Variants in PCK1 observed in about 807,000 individuals in gnomAD.
PCK1 encodes the protein phosphoenolpyruvate carboxykinase 1, also known as phosphoenolpyruvate carboxykinase, cytosolic [GTP].
Under a neutral mutation model 50.3 loss-of-function variants are expected in PCK1, and 44 were observed. The observed-to-expected ratio is 0.87, with a 90% CI of 0.69 to 1.12. PCK1 has a LOEUF of 1.12. Among genes scored for constraint, PCK1 ranks in the 50% most tolerant of loss-of-function variants. The pLI is 0.00. For synonymous variants in PCK1, 332 were observed against 314.3 expected (o/e 1.06, Z -0.59); for missense variants, 790 against 815.0 (o/e 0.97, Z 0.37).
intron 3 of PCK1, 30 bp from the exon 4 acceptor site, chr20:57,562,666 T>C (rs1172904649): frequency 1.3e-6 from 2 of 1,591,934 alleles, no homozygotes; most frequent in African/African-American, 2.7e-5. Context: ...AGGTCATTTC[T>C]CACCAGTGCC....
intron 8 of PCK1, 82 bp from the exon 9 acceptor site, chr20:57,564,958 G>T: frequency 2.0e-6 from 2 of 1,001,960 alleles, no homozygotes; most frequent in Non-Finnish European, 3.1e-6. Flanking sequence ...GTGTCTTTCC[G>T]TGTTGTGAAT....
Position 57,565,622 on chromosome 20 carries a change from G to A in PCK1, c.1687G>A (p.Ala563Thr), listed in dbSNP as rs1221541161. 2 of 1,614,076 alleles carry A rather than the reference G, an allele frequency of 1.2e-6. No individual in the cohort carries two copies. Among genetic ancestry groups the A allele is most frequent in the Non-Finnish European group, 1.7e-6 (2 of 1,180,040 alleles). The change falls in exon 10 of 10, where the codon GCC (alanine) becomes ACC (threonine). Residue 563 changes from alanine (A) to threonine (T), a missense_variant. Ala to Thr is a moderately conservative substitution (Grantham distance 58). Coordinates refer to ENST00000319441, the MANE Select transcript of PCK1 (RefSeq NM_002591.4). ...TPIGYIPKEDALNLKGLGHIN... is the reference protein window; with the variant it reads ...TPIGYIPKEDTLNLKGLGHIN... Reference sequence around the variant, plus strand: ...CATAGGCTACATCCCCAAGGAGGATGCCCTGAACCTGAAAGGCCTGGGGCA... The same window carrying A: ...CATAGGCTACATCCCCAAGGAGGATACCCTGAACCTGAAAGGCCTGGGGCA...
chr20:57,564,405 C>T lies in PCK1; in HGVS notation c.1186+12C>T. The T allele has an allele frequency of 1.2e-6, 2 of 1,613,586 alleles. No individual in the cohort carries two copies. The highest frequency in any genetic ancestry group is 1.7e-6 in the Non-Finnish European group (2 of 1,179,488). On this transcript the variant is annotated intron_variant, in intron 7 of 9. Transcript: ENST00000319441. ...GAGCTCAGAGGATGGTGTGTCCCTG[C>T]CAGAGGCCTTGGTGTGCCGGGCTGC...
chr20:57,563,497 C>T (rs2070172217), intron 5 of PCK1, 68 bp from the exon 6 acceptor site: 9 of 1,133,796 alleles, frequency 7.9e-6, no homozygotes, highest in Non-Finnish European at 1.2e-5. Flanking sequence ...ATTCCAACCT[C>T]TGGGCTGAAG....
Position 57,565,379 on chromosome 20 carries a change from A to G in PCK1, c.1444A>G (p.Met482Val). ...AATCATCATGCATGACCCCTTTGCCATGCGGCCCTTCTTTGGCTACAACTT... is the reference window on the plus strand; with the variant it reads ...AATCATCATGCATGACCCCTTTGCCGTGCGGCCCTTCTTTGGCTACAACTT... ...GKIIMHDPFA[M>V]RPFFGYNFGK... The change falls in exon 10 of 10, where the codon ATG becomes GTG. Residue 482 changes from methionine to valine, a missense_variant. By Grantham distance (21) the Met-to-Val change is conservative. Coordinates refer to ENST00000319441, the MANE Select transcript of PCK1 (RefSeq NM_002591.4). 1 of 1,614,264 alleles carries G rather than the reference A, an allele frequency of 6.2e-7. No individual in the cohort carries two copies. Among genetic ancestry groups the G allele is most frequent in the Non-Finnish European group, 8.5e-7 (1 of 1,180,040 alleles).
chr20:57,565,801 G>A lies in PCK1; in HGVS notation c.1866G>A (p.Met622Ile), dbSNP rs1475283790. Residue 622 changes from methionine to isoleucine, a missense_variant, in exon 10 of 10, where the codon ATG becomes ATA. Met to Ile is a conservative substitution (Grantham distance 10). Transcript: ENST00000319441. ...CCTTGAAGCAAAGAATAAGCCAGATGTAATCAGGGCCTGAGTGCTTTACCT... is the reference window on the plus strand; with the variant it reads ...CCTTGAAGCAAAGAATAAGCCAGATATAATCAGGGCCTGAGTGCTTTACCT... Reference protein sequence around the residue: ...ILALKQRISQM With the variant: ...ILALKQRISQI The A allele has an allele frequency of 1.2e-6, 2 of 1,603,382 alleles. No homozygotes were observed. Among genetic ancestry groups the A allele is most frequent in the Non-Finnish European group, 1.7e-6 (2 of 1,174,234 alleles).
At position 57,566,037 on chromosome 20, in the gene PCK1, A is replaced by G. The variant is rs2070201683; in HGVS notation, c.*233A>G. On this transcript the variant is annotated 3_prime_UTR_variant, in exon 10 of 10. Transcript: ENST00000319441. ...TCTTAGCATGCCTCCAAAAATTCAC[A>G]TCCAATGCATAGTTTGTTCAAATTT... 2.0e-6 allele frequency: 1 copy of G among 489,732 alleles called. No individual in the cohort carries two copies. The highest frequency in any genetic ancestry group is 3.6e-6 in the Non-Finnish European group (1 of 278,024). 30.3% of individuals were successfully genotyped at this position (489,732 alleles called of 1,614,324 possible).
chr20:57,566,603 C>G lies in PCK1; in HGVS notation c.*799C>G, dbSNP rs1245905095. Reference sequence around the variant, plus strand: ...TTGAAGAGGGGGTGCATTGCCTGGTCCCAGGGAGAAGGAGGGAGCAGATGG... The same window carrying G: ...TTGAAGAGGGGGTGCATTGCCTGGTGCCAGGGAGAAGGAGGGAGCAGATGG... On this transcript the variant is annotated 3_prime_UTR_variant, in exon 10 of 10. Coordinates refer to ENST00000319441, the MANE Select transcript of PCK1 (RefSeq NM_002591.4). 1 of 152,100 alleles carries G rather than the reference C, an allele frequency of 6.6e-6. No individual in the cohort carries two copies. The highest frequency in any genetic ancestry group is 6.5e-5 in the Admixed American group (1 of 15,268). 9.4% of individuals were successfully genotyped at this position (152,100 alleles called of 1,614,324 possible). A position where few individuals can be genotyped will look rare whatever the true frequency, so the allele number is the denominator to read the frequency against.
rs748319385 is a variant in PCK1 at position 57,565,422 on chromosome 20, A to G, written c.1487A>G (p.His496Arg). Residue 496 changes from histidine (H) to arginine (R), a missense_variant, in exon 10 of 10, where the codon CAC becomes CGC. Transcript: ENST00000319441. ...FGYNFGKYLA[H>R]WLSMAQHPAA... ...TACAACTTCGGCAAATACCTGGCCC[A>G]CTGGCTTAGCATGGCCCAGCACCCA... The G allele has an allele frequency of 2.0e-5, 33 of 1,614,082 alleles. No homozygotes were observed. Among genetic ancestry groups the G allele is most frequent in the Non-Finnish European group, 2.7e-5 (32 of 1,180,036 alleles).
chr20:57,565,509 T>C lies in PCK1; in HGVS notation c.1574T>C (p.Phe525Ser), dbSNP rs950208003. ...TTCCGGAAGGACAAGGAAGGCAAAT[T>C]CCTCTGGCCAGGCTTTGGAGAGAAC... ...NWFRKDKEGK[F>S]LWPGFGENSR... Residue 525 changes from phenylalanine (F) to serine (S), a missense_variant, in exon 10 of 10, where the codon TTC becomes TCC. Phe to Ser is a radical substitution (Grantham distance 155). Coordinates refer to ENST00000319441, the MANE Select transcript of PCK1 (RefSeq NM_002591.4). 52 of 1,614,044 alleles carry C rather than the reference T, an allele frequency of 3.2e-5. No homozygotes were observed. Among genetic ancestry groups the C allele is most frequent in the Non-Finnish European group, 4.3e-5 (51 of 1,180,026 alleles).
At position 57,565,776 on chromosome 20, in the gene PCK1, C is replaced by T; in HGVS notation, c.1841C>T (p.Ala614Val). 14 of 1,611,700 alleles carry T rather than the reference C, an allele frequency of 8.7e-6. No homozygotes were observed. Among genetic ancestry groups the T allele is most frequent in the Non-Finnish European group, 1.2e-5 (14 of 1,179,004 alleles). ...TGTGAAATCGAGAGAGAGATCCTTGCCTTGAAGCAAAGAATAAGCCAGATG... is the reference window on the plus strand; with the variant it reads ...TGTGAAATCGAGAGAGAGATCCTTGTCTTGAAGCAAAGAATAAGCCAGATG... ...LPCEIEREIL[A>V]LKQRISQM The change falls in exon 10 of 10, where the codon GCC becomes GTC. Residue 614 changes from alanine (A) to valine (V), a missense_variant. Coordinates refer to ENST00000319441, the MANE Select transcript of PCK1 (RefSeq NM_002591.4).
At chr20:57,561,997 G>T in intron 2 of PCK1, 74 bp from the exon 3 acceptor site, 1 of 1,292,646 alleles carries the variant, frequency 7.7e-7, no homozygotes. Context: ...GCTAGGCATG[G>T]AAAGCCACGG....
At chr20:57,563,501 G>T in intron 5 of PCK1, 64 bp from the exon 6 acceptor site, 1 of 1,182,894 alleles carries the variant, frequency 8.5e-7, no homozygotes. Context: ...CAACCTCTGG[G>T]CTGAAGTACC....
chr20:57,564,896 AT>A (rs2070188332), intron 8 of PCK1, 143 bp from the exon 9 acceptor site: 1 of 702,210 alleles, frequency 1.4e-6, no homozygotes, highest in Middle Eastern at 3.9e-4. Flanking sequence ...GTTTTCTGCA[AT>A]TTAGCTTGGT....
In PCK1 at chr20:57,562,161, C is replaced by A. The variant is rs1160797377; in HGVS notation, c.315C>A (p.Ile105=). ...VTQEQRDTVP[I]PKTGLSQLGR... Reference sequence around the variant, plus strand: ...AAGAGCAAAGAGACACAGTGCCCATCCCCAAAACAGGCCTCAGCCAGCTCG... The same window carrying A: ...AAGAGCAAAGAGACACAGTGCCCATACCCAAAACAGGCCTCAGCCAGCTCG... The change falls in exon 3 of 10, where the codon ATC becomes ATA. Residue 105 remains isoleucine (I), a synonymous_variant. Transcript: ENST00000319441. 6.2e-7 allele frequency: 1 copy of A among 1,614,066 alleles called. No individual in the cohort carries two copies. Among genetic ancestry groups the A allele is most frequent in the Admixed American group, 1.7e-5 (1 of 60,028 alleles).
At position 57,561,650 on chromosome 20, in the gene PCK1, C is replaced by T. The variant is rs374575695; in HGVS notation, c.224+15C>T. 17 of 1,563,854 alleles carry T rather than the reference C, an allele frequency of 1.1e-5. No individual in the cohort carries two copies. The highest frequency in any genetic ancestry group is 6.7e-5 in the African/African-American group (5 of 74,132). The stretch of plus-strand genomic sequence containing the variant: ...TATGACAACTGGTAAGCTCGGCCCC[C>T]GCTGCCTGTCCCAGCACCCTGCAGG... On this transcript the variant is annotated intron_variant, in intron 2 of 9. Transcript: ENST00000319441.
chr20:57,563,261 G>C lies in PCK1; in HGVS notation c.798+46G>C, dbSNP rs1341283791. 1.9e-6 allele frequency: 3 copies of C among 1,564,226 alleles called. No homozygotes were observed. In the Admixed American group the frequency reaches 5.0e-5, roughly 26 times the overall value. On this transcript the variant is annotated intron_variant, in intron 5 of 9. Coordinates refer to ENST00000319441, the MANE Select transcript of PCK1 (RefSeq NM_002591.4). The stretch of plus-strand genomic sequence containing the variant: ...GATGTGCAGATGAGAGGCCTGGGGG[G>C]TGGCAGAAACAAACAGCATTACAGT...
chr20:57,562,332 C>A, intron 3 of PCK1, 80 bp downstream of exon 3: 3 of 1,248,166 alleles, frequency 2.4e-6, no homozygotes, highest in Non-Finnish European at 2.3e-6. Context: ...GTAATTCAAA[C>A]AATAATGGAA....
intron 5 of PCK1, 143 bp from the exon 6 acceptor site, chr20:57,563,422 G>C (rs2070171518): frequency 1.4e-6 from 1 of 697,644 alleles, no homozygotes; most frequent in East Asian, 2.7e-5. Context: ...AGATCCTTTG[G>C]ACTTCATGAT....
Sources: allele counts gnomAD v4.1 joint callset, GRCh38; gene constraint gnomAD v4.1.1; transcripts MANE v1.5; gene names NCBI Gene and HGNC (gene_info 2026-07-23, HGNC 2026-07-21).